NIPAL3: variants seen among roughly 807,000 people sequenced by gnomAD.
NIPAL3 encodes the protein NIPA like domain containing 3.
A neutral mutation model predicts 47.2 loss-of-function variants in NIPAL3; 41 were observed. That is an observed-to-expected ratio of 0.87 (90% CI 0.68 to 1.13). The LOEUF is 1.13. NIPAL3 is among the 50% of genes most tolerant of loss of function. The probability of loss-of-function intolerance (pLI) is 0.00; values close to 1 mark genes in which losing one functional copy is unlikely to be tolerated. For synonymous variants in NIPAL3, 194 were observed against 209.6 expected, an observed-to-expected ratio of 0.93 and a Z score of 0.64; for missense variants, 449 against 530.1, an observed-to-expected ratio of 0.85 and a Z score of 1.50.
At chr1:24,468,406 A>T (rs1473729384) in intron 11 of NIPAL3, among the ~76,000 whole-genome samples, 3 of 152,222 alleles carry the variant, frequency 2.0e-5, no homozygotes, top group Non-Finnish European at 1.5e-5. Flanking sequence ...GGAATTAAAG[A>T]TTAAAGGCTT....
At chr1:24,439,797 A>G (rs923785433) in intron 2 of NIPAL3, among the ~76,000 whole-genome samples, 1 of 152,250 alleles carries the variant, frequency 6.6e-6, no homozygotes, top group African/African-American at 2.4e-5. Flanking sequence ...TGAAGACACT[A>G]TTGACAAGAT....
At chr1:24,444,170 C>A (rs564720446) in intron 4 of NIPAL3, among the ~76,000 whole-genome samples, 1 of 152,192 alleles carries the variant, frequency 6.6e-6, no homozygotes, top group South Asian at 2.1e-4. Context: ...TATGACTTAA[C>A]CATCACTGCT....
At chr1:24,432,833 T>C (rs559343586) in intron 2 of NIPAL3, among the ~76,000 whole-genome samples, 262 of 152,372 alleles carry the variant, frequency 1.7e-3, no homozygotes, top group Non-Finnish European at 3.2e-3. Flanking sequence ...TCATCATCTC[T>C]AATCTTTACA....
chr1:24,420,695 G>A (rs10903084), intron 2 of NIPAL3, among the ~76,000 whole-genome samples: 29,254 of 151,992 alleles, frequency 0.19, 3,297 homozygotes, highest in East Asian at 0.3. Context: ...ATTTCCCCAT[G>A]TCATCAAGTA....
chr1:24,440,390 G>A (rs1645322766), intron 3 of NIPAL3, 150 bp downstream of exon 3: 2 of 497,268 alleles, frequency 4.0e-6, no homozygotes. Flanking sequence ...GGCCGTTCCA[G>A]GATTTCTCTT....
intron 11 of NIPAL3, 101 bp from the exon 12 acceptor site, chr1:24,468,885 C>T: frequency 9.6e-7 from 1 of 1,045,494 alleles, no homozygotes; most frequent in Non-Finnish European, 1.4e-6. Context: ...ACATGATTAG[C>T]TGCTGAGCAC....
chr1:24,421,455 G>T (rs1461573500), intron 2 of NIPAL3, among the ~76,000 whole-genome samples: 2 of 152,236 alleles, frequency 1.3e-5, no homozygotes, highest in African/African-American at 4.8e-5. Flanking sequence ...GACTGGAACA[G>T]TGAGGCTGGG....
chr1:24,442,357 G>A, intron 4 of NIPAL3, 131 bp downstream of exon 4: 1 of 936,834 alleles, frequency 1.1e-6, no homozygotes, highest in Non-Finnish European at 1.6e-6. Context: ...AATACAAAGG[G>A]CTTCAGACAC....
intron 2 of NIPAL3, among the ~76,000 whole-genome samples, chr1:24,423,805 G>T (rs1644449192): frequency 6.6e-6 from 1 of 152,190 alleles, no homozygotes; most frequent in Non-Finnish European, 1.5e-5. Flanking sequence ...CTGATTTGAA[G>T]AACTCTGGGT....
At position 24,445,253 on chromosome 1, in the gene NIPAL3, A is replaced by G. The variant is rs763970790; in HGVS notation, c.394+9A>G. On this transcript the variant is annotated intron_variant, in intron 5 of 11. Coordinates refer to ENST00000374399, the MANE Select transcript of NIPAL3 (RefSeq NM_020448.5). ...ACCGAAAGACTTTCTGAGTAAGTTC[A>G]GTGATTTGAGCTGTGTCCTTGATTT... The G allele has an allele frequency of 2.5e-6, 4 of 1,589,270 alleles. No individual in the cohort carries two copies. The East Asian group carries it at 8.9e-5, about 35-fold the overall frequency.
chr1:24,430,976 C>T lies in NIPAL3; in HGVS notation c.94-9196C>T, dbSNP rs1236832541. Among the ~76,000 whole-genome samples the T allele has an allele frequency of 2.6e-5, 4 of 152,114 alleles. No individual in the cohort carries two copies. In the South Asian group the frequency reaches 8.3e-4, roughly 32 times the overall value. ...GAACAAGCTTTGAATATATTTTTGT[C>T]AAAGCTTAGAGCAGGAAATTTAGCT... On this transcript the variant is annotated intron_variant, in intron 2 of 11. Transcript: ENST00000374399.
At position 24,470,416 on chromosome 1, in the gene NIPAL3, G is replaced by A. The variant is rs1433381378; in HGVS notation, c.*1231G>A. 8 of 152,166 alleles carry A rather than the reference G, an allele frequency of 5.3e-5. No homozygotes were observed. Among genetic ancestry groups the A allele is most frequent in the East Asian group, 1.9e-4 (1 of 5,188 alleles). 9.4% of individuals were successfully genotyped at this position (152,166 alleles called of 1,614,324 possible). On this transcript the variant is annotated 3_prime_UTR_variant, in exon 12 of 12. Transcript: ENST00000374399. ...TAAGTGGGACTGGAGTGGGGCCCACGGGTCTGCATTCTTAACTGGTACCAC... is the reference window on the plus strand; with the variant it reads ...TAAGTGGGACTGGAGTGGGGCCCACAGGTCTGCATTCTTAACTGGTACCAC...
intron 11 of NIPAL3, chr1:24,465,328 G>A (rs960081768): frequency 1.3e-5 from 2 of 152,044 alleles, no homozygotes; most frequent in African/African-American, 4.8e-5. Flanking sequence ...TTCCAGATAG[G>A]TGAGGTGTCA....
rs1645953267 is a variant in NIPAL3 at position 24,451,877 on chromosome 1, GGTAAC to G, written c.541-1530_541-1526del. ...TTCACAAAACATGAAGATTGTTTATGGTAACTAAAAACAGCCCAGTACAAAATCGT... is the reference window on the plus strand; with the variant it reads ...TTCACAAAACATGAAGATTGTTTATGTAAAAACAGCCCAGTACAAAATCGT... On this transcript the variant is annotated intron_variant, in intron 6 of 11. Transcript: ENST00000374399. This position sits in a 1 kb window ranked among gnomAD's most constrained non-coding sequence, Gnocchi z 4.5. Among the ~76,000 whole-genome samples, 2 of 152,078 alleles carry G rather than the reference GGTAAC, an allele frequency of 1.3e-5. No individual in the cohort carries two copies. The highest frequency in any genetic ancestry group is 2.9e-5 in the Non-Finnish European group (2 of 68,006).
chr1:24,457,559 T>C (rs1297514961), intron 8 of NIPAL3, among the ~76,000 whole-genome samples: 1 of 152,198 alleles, frequency 6.6e-6, no homozygotes, highest in Non-Finnish European at 1.5e-5. Flanking sequence ...TGGAACCAGC[T>C]CATTTGGTCC....
chr1:24,456,469 G>C (rs569927083), intron 8 of NIPAL3, among the ~76,000 whole-genome samples, 196 bp downstream of exon 8: 17 of 152,272 alleles, frequency 1.1e-4, no homozygotes, highest in African/African-American at 3.4e-4. Flanking sequence ...GACGAAGCCA[G>C]GCCAGGCTCA....
At chr1:24,465,609 G>A (rs1646664695) in intron 11 of NIPAL3, 2 of 153,338 alleles carry the variant, frequency 1.3e-5, no homozygotes, top group Admixed American at 1.3e-4. Flanking sequence ...TGGCTTGTCA[G>A]GACACTTCCG....
chr1:24,436,194 TGTGG>T (rs1194104791), intron 2 of NIPAL3, among the ~76,000 whole-genome samples: 1 of 152,178 alleles, frequency 6.6e-6, no homozygotes, highest in Non-Finnish European at 1.5e-5. Context: ...CCTTGTTCTC[TGTGG>T]TGTTTAGAAT....
At chr1:24,468,916 A>T (rs940236248) in intron 11 of NIPAL3, 70 bp from the exon 12 acceptor site, 2 of 1,383,502 alleles carry the variant, frequency 1.4e-6, no homozygotes, top group Non-Finnish European at 2.0e-6. Flanking sequence ...CTGTGGCGGG[A>T]TAGAGGGAGA....
Sources: gnomAD v4.1 joint callset for allele counts (sites outside exome capture counted in the v4.1 genomes callset) on GRCh38, gnomAD v4.1.1 for gene constraint, Gnocchi (gnomAD v3.1) non-coding constraint, MANE v1.5 for transcripts, NCBI Gene and HGNC (gene_info 2026-07-23, HGNC 2026-07-21) for gene names.